The following NUP153 variants were observed in gnomAD, a reference collection of about 807,000 sequenced individuals.
The protein encoded by NUP153 is nuclear pore complex protein Nup153.
A neutral mutation model predicts 134.6 loss-of-function variants in NUP153; 27 were observed. The observed-to-expected ratio is 0.20, with a 90% CI of 0.15 to 0.28. The LOEUF is 0.28. Ranked by LOEUF, NUP153 falls within the 10% of genes least tolerant of loss-of-function variation. NUP153 has a pLI of 1.00. For missense variants in NUP153, 1,821 were observed against 1,731.3 expected (o/e 1.05, Z -0.92); for synonymous variants, 640 against 623.5 (o/e 1.03, Z -0.40).
At chr6:17,703,153 G>A (rs1040068719) in intron 1 of NUP153, among the ~76,000 whole-genome samples, 10 of 144,592 alleles carry the variant, frequency 6.9e-5, no homozygotes, top group African/African-American at 2.3e-4. Context: ...AGCCAAGATC[G>A]AGCCACTGCA....
intron 1 of NUP153, among the ~76,000 whole-genome samples, chr6:17,697,810 G>T (rs1381932942): frequency 6.6e-6 from 1 of 151,444 alleles, no homozygotes; most frequent in African/African-American, 2.4e-5. Flanking sequence ...GCTGGGGTGG[G>T]GGAAGGCTAT....
At chr6:17,689,841 AAAG>A (rs1470763650) in intron 1 of NUP153, among the ~76,000 whole-genome samples, 7 of 152,070 alleles carry the variant, frequency 4.6e-5, no homozygotes, top group African/African-American at 1.7e-4. Context: ...GTAACTTTTC[AAAG>A]AAGAAAGGGA....
In NUP153 at chr6:17,706,202, G is replaced by T; in HGVS notation, c.111+75C>A. ...TCCTGTCTGCTCCACGTGGGGCGCC[G>T]GGGCCTCGAACCGCCCGTCCCCTCC... On this transcript the variant is annotated intron_variant, in intron 1 of 21. Transcript: ENST00000262077. This position sits in a 1 kb window ranked among gnomAD's most constrained non-coding sequence, Gnocchi z 5.9. 1 of 1,196,746 alleles carries T rather than the reference G, an allele frequency of 8.4e-7. No homozygotes were observed. The highest frequency in any genetic ancestry group is 1.2e-6 in the Non-Finnish European group (1 of 812,314). The allele number at this position is 1,196,746 out of a possible 1,614,324, so 74.1% of individuals were successfully genotyped here.
At position 17,616,022 on chromosome 6, in the gene NUP153, G is replaced by T; in HGVS notation, c.*75C>A. On this transcript the variant is annotated 3_prime_UTR_variant, in exon 22 of 22. Transcript: ENST00000262077. The stretch of plus-strand genomic sequence containing the variant: ...GCAGATCTGACTTCAGATAACCCCA[G>T]CACAAAGTACAATCCAGTATCTGAA... The T allele has an allele frequency of 9.2e-7, 1 of 1,088,316 alleles. No individual in the cohort carries two copies. Among genetic ancestry groups the T allele is most frequent in the Non-Finnish European group, 1.4e-6 (1 of 711,570 alleles). 67.4% of individuals were successfully genotyped at this position (1,088,316 alleles called of 1,614,324 possible). A position where few individuals can be genotyped will look rare whatever the true frequency, so the allele number is the denominator to read the frequency against.
At chr6:17,672,165 G>A (rs920804703) in intron 5 of NUP153, among the ~76,000 whole-genome samples, 12 of 151,518 alleles carry the variant, frequency 7.9e-5, no homozygotes, top group South Asian at 6.3e-4. Flanking sequence ...AAGACCTACC[G>A]GGAAGCCTAT....
rs866964063 is a variant in NUP153, at chr6:17,618,566, T to C, written c.4175-1871A>G. Among the ~76,000 whole-genome samples the C allele has an allele frequency of 4.8e-3, 405 of 84,032 alleles. 3 individuals carry two copies. Among genetic ancestry groups the C allele is most frequent in the African/African-American group, 0.01 (301 of 30,080 alleles). 55.1% of individuals were successfully genotyped at this position (84,032 alleles called of 152,430 possible). ...ATAGTGGAAGTTAAAATCTCTCTTTTTTTTTTTTTTTTTTTTAAAGATGGA... is the reference window on the plus strand; with the variant it reads ...ATAGTGGAAGTTAAAATCTCTCTTTCTTTTTTTTTTTTTTTTAAAGATGGA... On this transcript the variant is annotated intron_variant, in intron 20 of 21. Coordinates refer to ENST00000262077, the MANE Select transcript of NUP153 (RefSeq NM_005124.4).
At chr6:17,688,738 TCAGTTACTA>T in intron 1 of NUP153, 120 bp from the exon 2 acceptor site, 1 of 691,274 alleles carries the variant, frequency 1.4e-6, no homozygotes, top group Non-Finnish European at 2.4e-6. Context: ...TTGCCAAAAT[TCAGTTACTA>T]CAGTTACTGC....
At chr6:17,646,492 C>T (rs1196605782) in intron 13 of NUP153, among the ~76,000 whole-genome samples, 1 of 152,196 alleles carries the variant, frequency 6.6e-6, no homozygotes, top group Non-Finnish European at 1.5e-5. Flanking sequence ...AGGCGTGAGC[C>T]ACCGCGCCTG....
At chr6:17,631,500 C>T (rs1385493141) in intron 17 of NUP153, among the ~76,000 whole-genome samples, 1 of 152,108 alleles carries the variant, frequency 6.6e-6, no homozygotes, top group Non-Finnish European at 1.5e-5. Flanking sequence ...CATCATCTAC[C>T]CCCCATCCCA....
At chr6:17,668,069 C>CTTTTTTTTTTTTT (rs762142682) in intron 8 of NUP153, among the ~76,000 whole-genome samples, 1 of 87,236 alleles carries the variant, frequency 1.1e-5, no homozygotes, top group East Asian at 4.2e-4. Flanking sequence ...GTTTACTGAA[C>CTTTTTTTTTTTTT]TTTTTTTTTT....
chr6:17,668,404 AAAGG>A (rs1041880460), intron 8 of NUP153, among the ~76,000 whole-genome samples: 7 of 152,030 alleles, frequency 4.6e-5, no homozygotes, highest in African/African-American at 1.4e-4. Flanking sequence ...TTATTTATCA[AAAGG>A]TAACAGTAAG....
intron 16 of NUP153, among the ~76,000 whole-genome samples, chr6:17,633,693 A>G (rs1036163138): frequency 3.3e-5 from 5 of 152,192 alleles, no homozygotes; most frequent in African/African-American, 1.2e-4. Flanking sequence ...CACAGGAAGA[A>G]CGGCTTGGTA....
intron 1 of NUP153, among the ~76,000 whole-genome samples, chr6:17,691,023 T>A (rs1473487808): frequency 4.6e-5 from 7 of 152,078 alleles, no homozygotes. Flanking sequence ...GCATCTGTAA[T>A]CCCAGCTACT....
At chr6:17,654,186 G>T (rs1333399027) in intron 11 of NUP153, among the ~76,000 whole-genome samples, 1 of 152,158 alleles carries the variant, frequency 6.6e-6, no homozygotes. Context: ...GGCTATTTTT[G>T]TAGGGAAGCT....
At chr6:17,618,745 C>T (rs756467723) in intron 20 of NUP153, among the ~76,000 whole-genome samples, 24 of 150,140 alleles carry the variant, frequency 1.6e-4, no homozygotes, top group Non-Finnish European at 2.4e-4. Context: ...TTTTGTATTT[C>T]TTAGTAGAGA....
intron 20 of NUP153, 78 bp from the exon 21 acceptor site, chr6:17,616,773 G>T: frequency 7.3e-7 from 1 of 1,365,326 alleles, no homozygotes; most frequent in Non-Finnish European, 1.0e-6. Context: ...TTTTTGAGAC[G>T]GAGTCTCGCT....
intron 2 of NUP153, among the ~76,000 whole-genome samples, chr6:17,681,528 G>A (rs1277167957): frequency 6.6e-6 from 1 of 152,136 alleles, no homozygotes; most frequent in African/African-American, 2.4e-5. Flanking sequence ...GTTGCAGTGA[G>A]CTGAGATCAT....
In NUP153 at chr6:17,675,827, A is replaced by G; in HGVS notation, c.335-57T>C. On this transcript the variant is annotated intron_variant, in intron 2 of 21. Coordinates refer to ENST00000262077, the MANE Select transcript of NUP153 (RefSeq NM_005124.4). This position sits in a 1 kb window ranked among gnomAD's most constrained non-coding sequence, Gnocchi z 4.4. ...ACAACTTAGAGCGATACACTACCAC[A>G]AATGGTTTTTACTTTAAGAAAACAC... 1.3e-6 allele frequency: 2 copies of G among 1,541,472 alleles called. No homozygotes were observed. The highest frequency in any genetic ancestry group is 2.3e-5 in the South Asian group (2 of 88,770).
At chr6:17,690,997 C>T (rs575182611) in intron 1 of NUP153, among the ~76,000 whole-genome samples, 1 of 152,096 alleles carries the variant, frequency 6.6e-6, no homozygotes, top group South Asian at 2.1e-4. Context: ...AAAAAATTAG[C>T]CGGGTGTGGT....
Sources: allele counts gnomAD v4.1 joint callset (sites outside exome capture counted in the v4.1 genomes callset), GRCh38; gene constraint gnomAD v4.1.1; non-coding constraint Gnocchi (gnomAD v3.1); transcripts MANE v1.5; gene names NCBI Gene and HGNC (gene_info 2026-07-23, HGNC 2026-07-21).